Variants in ARID1B observed in about 807,000 individuals in gnomAD.
ARID1B encodes the protein AT-rich interactive domain-containing protein 1B.
In ARID1B, 30 loss-of-function variants were observed where a neutral mutation model predicts 212.3. The ratio of observed to expected loss-of-function variants is 0.14; its 90% CI spans 0.11 to 0.19. The LOEUF is 0.19. Among genes scored for constraint, ARID1B ranks in the 10% least tolerant of loss-of-function variants. The pLI, the probability that ARID1B is intolerant of heterozygous loss-of-function variation, is 1.00. For missense variants in ARID1B, 2,891 were observed against 3,204.0 expected (o/e 0.90, Z 2.36); for synonymous variants, 1,402 against 1,301.7 (o/e 1.08, Z -1.66).
chr6:156,831,227 C>G (rs567959282), intron 2 of ARID1B, among the ~76,000 whole-genome samples: 2 of 152,276 alleles, frequency 1.3e-5, no homozygotes, highest in African/African-American at 4.8e-5. Context: ...TGCTCAAGTC[C>G]CCATCGCACT....
At chr6:157,024,617 CAAAA>C (rs1780539924) in intron 4 of ARID1B, 1 of 152,260 alleles carries the variant, frequency 6.6e-6, no homozygotes, top group South Asian at 2.1e-4. Context: ...CAAAACAAAA[CAAAA>C]AACAGCCAGA....
At chr6:156,929,245 C>G (rs12192407) in intron 3 of ARID1B, among the ~76,000 whole-genome samples, 24,041 of 152,138 alleles carry the variant, frequency 0.16, 2,032 homozygotes, top group Non-Finnish European at 0.19. Flanking sequence ...CCTGAGGTGG[C>G]AAGGGCTGAG....
Position 157,004,897 on chromosome 6 carries a change from C to CTTTTTTTTTT in ARID1B, c.2247+69346_2247+69355dup, listed in dbSNP as rs1177807875. ...TTTTTTCTTTTTCTTCTTCTTTTTT[C>CTTTTTTTTTT]TTTTTTTTTTTTTTTTTTTTTTTTT... On this transcript the variant is annotated intron_variant, in intron 4 of 19. Transcript: ENST00000636930. Among the ~76,000 whole-genome samples the CTTTTTTTTTT allele has an allele frequency of 8.0e-4, 44 of 54,674 alleles. 3 individuals are homozygous for CTTTTTTTTTT. Among genetic ancestry groups the CTTTTTTTTTT allele is most frequent in the South Asian group, 1.3e-3 (3 of 2,232 alleles). The allele number at this position is 54,674 out of a possible 152,430, so 35.9% of individuals were successfully genotyped here.
chr6:156,840,014 T>C (rs772878998), intron 2 of ARID1B, among the ~76,000 whole-genome samples: 9 of 152,240 alleles, frequency 5.9e-5, no homozygotes, highest in Non-Finnish European at 1.2e-4. Context: ...TTGTTAACTC[T>C]TTGTAGGGAA....
chr6:157,098,627 TG>T (rs1785825916), intron 5 of ARID1B, among the ~76,000 whole-genome samples: 1 of 152,252 alleles, frequency 6.6e-6, no homozygotes. Context: ...ATCACATTTT[TG>T]GTCATACTGC....
chr6:156,938,853 A>G (rs1286580013), intron 4 of ARID1B: 1 of 152,204 alleles, frequency 6.6e-6, no homozygotes, highest in Non-Finnish European at 1.5e-5. Flanking sequence ...TTTGCATGCC[A>G]TTAAATTCTT....
chr6:156,928,044 A>C (rs1259809581), intron 3 of ARID1B, among the ~76,000 whole-genome samples: 1 of 152,138 alleles, frequency 6.6e-6, no homozygotes, highest in Non-Finnish European at 1.5e-5. Flanking sequence ...ATCCACTTGG[A>C]CTGGCTGAAA....
intron 3 of ARID1B, among the ~76,000 whole-genome samples, chr6:156,931,624 G>T (rs1203939452): frequency 6.6e-6 from 1 of 152,072 alleles, no homozygotes; most frequent in Non-Finnish European, 1.5e-5. Context: ...CTGGAGACCA[G>T]CCTGGGAAGT....
In ARID1B at chr6:156,970,584, T is replaced by A. The variant is rs1430891171; in HGVS notation, c.2247+35008T>A. Among the ~76,000 whole-genome samples, 7 of 152,214 alleles carry A rather than the reference T, an allele frequency of 4.6e-5. 1 individual carries two copies. The highest frequency in any genetic ancestry group is 8.8e-5 in the Non-Finnish European group (6 of 68,046). On this transcript the variant is annotated intron_variant, in intron 4 of 19. Coordinates refer to ENST00000636930, the MANE Select transcript of ARID1B (RefSeq NM_001374828.1). The stretch of plus-strand genomic sequence containing the variant: ...TGTTCAAAACTATTTTATTCCTATT[T>A]CATTAATACTGCCAAATTTTTATGA...
At chr6:156,959,756 C>G (rs1175547168) in intron 4 of ARID1B, among the ~76,000 whole-genome samples, 1 of 152,050 alleles carries the variant, frequency 6.6e-6, no homozygotes, top group East Asian at 1.9e-4. Context: ...TCTTCCCCAT[C>G]TCTCCCGGGT....
intron 8 of ARID1B, chr6:157,165,883 G>A (rs927352899): frequency 1.3e-5 from 2 of 152,088 alleles, no homozygotes; most frequent in African/African-American, 4.8e-5. Context: ...TAAGATTTAT[G>A]TTAATCTTTT....
chr6:156,870,540 T>G (rs1357369983), intron 2 of ARID1B: 1 of 152,216 alleles, frequency 6.6e-6, no homozygotes, highest in Non-Finnish European at 1.5e-5. Flanking sequence ...GCCTTCGTTG[T>G]CTTTTCTGTA....
chr6:156,778,694 T>C lies in ARID1B; in HGVS notation c.1014T>C (p.His338=). ...GCGCTGGGCCTTGCTTTGATCAACA[T>C]GGCGGACAACAAAGCCCCGGGATGG... ...GGRAGPCFDQ[H]GGQQSPGMGM... Residue 338 remains histidine (H), a synonymous_variant, in exon 1 of 20, where the codon CAT becomes CAC. Coordinates refer to ENST00000636930, the MANE Select transcript of ARID1B (RefSeq NM_001374828.1). The C allele has an allele frequency of 6.7e-7, 1 of 1,484,994 alleles. No individual in the cohort carries two copies. Among genetic ancestry groups the C allele is most frequent in the Non-Finnish European group, 9.0e-7 (1 of 1,111,488 alleles). The allele number at this position is 1,484,994 out of a possible 1,614,324, so 92.0% of individuals were successfully genotyped here.
chr6:157,006,958 C>A (rs1006036909), intron 4 of ARID1B, among the ~76,000 whole-genome samples: 2 of 152,246 alleles, frequency 1.3e-5, no homozygotes, highest in Non-Finnish European at 2.9e-5. Flanking sequence ...TGTGTACACA[C>A]ACACACACAG....
Position 156,778,871 on chromosome 6 carries a change from CGGA to C in ARID1B, c.1203_1205del (p.Gly402del), listed in dbSNP as rs587779748. The C allele has an allele frequency of 0.011, 15,204 of 1,339,750 alleles. 89 individuals carry two copies. Among genetic ancestry groups the C allele is most frequent in the South Asian group, 0.014 (726 of 52,988 alleles). The allele number at this position is 1,339,750 out of a possible 1,614,324, so 83.0% of individuals were successfully genotyped here. ...CGGGCGGCGGCGGCGGCGGCGGCGG[CGGA>C]GGAGGAGGAGGCAGCGGAGGAGGAG... On this transcript the variant is annotated inframe_deletion, in exon 1 of 20. Transcript: ENST00000636930.
chr6:157,141,660 TA>T, intron 7 of ARID1B, among the ~76,000 whole-genome samples: 1 of 152,312 alleles, frequency 6.6e-6, no homozygotes, highest in East Asian at 1.9e-4. Context: ...AGATCTTACT[TA>T]AATATGATAA....
At chr6:156,945,648 C>G (rs1793064929) in intron 4 of ARID1B, among the ~76,000 whole-genome samples, 1 of 152,016 alleles carries the variant, frequency 6.6e-6, no homozygotes, top group Admixed American at 6.6e-5. Context: ...TATGCTGTAC[C>G]CGGAAAAAGT....
chr6:157,160,124 A>G (rs1790835891), intron 8 of ARID1B, among the ~76,000 whole-genome samples: 1 of 152,208 alleles, frequency 6.6e-6, no homozygotes, highest in Non-Finnish European at 1.5e-5. Flanking sequence ...CACATTCGCC[A>G]GTGGAGGAAG....
intron 4 of ARID1B, chr6:156,938,161 T>C (rs1039641148): frequency 6.6e-6 from 1 of 152,174 alleles, no homozygotes; most frequent in Non-Finnish European, 1.5e-5. Context: ...GTAAAAACTT[T>C]CTGTATGGGG....
Sources: allele counts gnomAD v4.1 joint callset (sites outside exome capture counted in the v4.1 genomes callset), GRCh38; gene constraint gnomAD v4.1.1; transcripts MANE v1.5; gene names NCBI Gene and HGNC (gene_info 2026-07-23, HGNC 2026-07-21).